Variants in UNC5D observed in about 807,000 individuals in gnomAD.
UNC5D encodes the protein netrin receptor UNC5D.
A neutral mutation model predicts 105.4 loss-of-function variants in UNC5D; 39 were observed. That is an observed-to-expected ratio of 0.37 (90% CI 0.29 to 0.48). The LOEUF is 0.48. Among genes scored for constraint, UNC5D ranks in the 20% least tolerant of loss-of-function variants. The probability of loss-of-function intolerance (pLI) is 0.98; values close to 1 mark genes in which losing one functional copy is unlikely to be tolerated. For missense variants in UNC5D, 991 were observed against 1,202.4 expected (o/e 0.82, Z 2.60); for synonymous variants, 452 against 450.4 (o/e 1.00, Z -0.04).
chr8:35,277,356 A>G (rs16883711), intron 1 of UNC5D, among the ~76,000 whole-genome samples: 2,491 of 152,206 alleles, frequency 0.016, 70 homozygotes, highest in African/African-American at 0.056. Context: ...TAGTACATGG[A>G]TTGTGCATTT....
At chr8:35,601,391 A>G (rs1586221513) in intron 4 of UNC5D, among the ~76,000 whole-genome samples, 1 of 152,216 alleles carries the variant, frequency 6.6e-6, no homozygotes, top group Non-Finnish European at 1.5e-5. Context: ...TACCTTGGGC[A>G]GTATGGCCAT....
At chr8:35,691,343 C>G (rs1428926530) in intron 7 of UNC5D, among the ~76,000 whole-genome samples, 1 of 152,064 alleles carries the variant, frequency 6.6e-6, no homozygotes, top group Non-Finnish European at 1.5e-5. Flanking sequence ...AAAAACTAGC[C>G]AAGTGTGGTG....
At chr8:35,490,642 A>C (rs1360283981) in intron 1 of UNC5D, among the ~76,000 whole-genome samples, 2 of 152,196 alleles carry the variant, frequency 1.3e-5, no homozygotes, top group African/African-American at 2.4e-5. Context: ...TAATATATTT[A>C]AGCATACTAT....
chr8:35,441,971 A>T (rs1807434522), intron 1 of UNC5D, among the ~76,000 whole-genome samples: 1 of 151,856 alleles, frequency 6.6e-6, no homozygotes, highest in Non-Finnish European at 1.5e-5. Context: ...TAACAAAATA[A>T]TTTTTTAGCA....
At chr8:35,387,476 G>T (rs1803486216) in intron 1 of UNC5D, among the ~76,000 whole-genome samples, 1 of 151,630 alleles carries the variant, frequency 6.6e-6, no homozygotes, top group Non-Finnish European at 1.5e-5. Flanking sequence ...TCCCTCCTTT[G>T]TCTCCAAAGT....
rs1554608594 is a variant in UNC5D at position 35,789,169 on chromosome 8, A to ATATATATG, written c.2658-1183_2658-1182insGTATATAT. ...TATATATATATATATATATATATAT[A>ATATATATG]TATATATATATATATATATGAGATA... On this transcript the variant is annotated intron_variant, in intron 16 of 16. Transcript: ENST00000404895. 3.1e-5 allele frequency among the ~76,000 whole-genome samples: 3 copies of ATATATATG among 96,096 alleles called. No individual in the cohort carries two copies. The East Asian group carries it at 9.4e-4, about 30-fold the overall frequency. The allele number at this position is 96,096 out of a possible 152,430, so 63.0% of individuals were successfully genotyped here. A position where few individuals can be genotyped will look rare whatever the true frequency, so the allele number is the denominator to read the frequency against.
chr8:35,403,859 A>G (rs1476001796), intron 1 of UNC5D, among the ~76,000 whole-genome samples: 1 of 152,106 alleles, frequency 6.6e-6, no homozygotes, highest in African/African-American at 2.4e-5. Context: ...GGAGGAGCAA[A>G]ATCTGCTGTC....
chr8:35,517,888 A>G (rs1166877091), intron 1 of UNC5D, among the ~76,000 whole-genome samples: 1 of 152,166 alleles, frequency 6.6e-6, no homozygotes, highest in African/African-American at 2.4e-5. Flanking sequence ...GCTGTCTTCT[A>G]ACTGTAACAT....
At chr8:35,674,182 TC>T (rs1435289399) in intron 4 of UNC5D, among the ~76,000 whole-genome samples, 3 of 152,208 alleles carry the variant, frequency 2.0e-5, no homozygotes, top group Non-Finnish European at 4.4e-5. Flanking sequence ...TTGCAATTCT[TC>T]CTTAGGAGTG....
At chr8:35,381,332 C>T (rs890713339) in intron 1 of UNC5D, among the ~76,000 whole-genome samples, 1 of 152,128 alleles carries the variant, frequency 6.6e-6, no homozygotes, top group African/African-American at 2.4e-5. Flanking sequence ...TTACCTCTAA[C>T]TCTTCCAGGG....
intron 1 of UNC5D, among the ~76,000 whole-genome samples, chr8:35,504,926 A>G (rs1307007855): frequency 1.3e-5 from 2 of 152,114 alleles, no homozygotes; most frequent in African/African-American, 4.8e-5. Context: ...TATGCCAAAC[A>G]CTCATGTGTA....
intron 1 of UNC5D, among the ~76,000 whole-genome samples, chr8:35,410,088 A>G (rs1197514727): frequency 6.6e-6 from 1 of 151,978 alleles, no homozygotes; most frequent in African/African-American, 2.4e-5. Flanking sequence ...GGAACTCTCC[A>G]CTTTACGTCT....
chr8:35,728,726 C>A (rs912450992), intron 10 of UNC5D, among the ~76,000 whole-genome samples: 2 of 152,186 alleles, frequency 1.3e-5, no homozygotes, highest in Admixed American at 6.5e-5. Context: ...GCAATGATTT[C>A]TCCAAAAGGT....
chr8:35,569,539 TC>T (rs1817586400), intron 3 of UNC5D, among the ~76,000 whole-genome samples: 1 of 152,216 alleles, frequency 6.6e-6, no homozygotes, highest in African/African-American at 2.4e-5. Context: ...GGAGGCCCTC[TC>T]CTGGGTATTG....
intron 1 of UNC5D, among the ~76,000 whole-genome samples, chr8:35,253,930 A>G (rs939686368): frequency 1.3e-5 from 2 of 152,150 alleles, no homozygotes; most frequent in Admixed American, 1.3e-4. Flanking sequence ...CTGGCATTAA[A>G]TGTTCTTCAA....
intron 3 of UNC5D, among the ~76,000 whole-genome samples, chr8:35,578,847 A>C (rs1818284556): frequency 6.6e-6 from 1 of 152,214 alleles, no homozygotes; most frequent in Admixed American, 6.5e-5. Context: ...ATTCCACCAC[A>C]TCTTACTGTG....
chr8:35,437,709 T>C (rs1807117416), intron 1 of UNC5D, among the ~76,000 whole-genome samples: 1 of 152,126 alleles, frequency 6.6e-6, no homozygotes, highest in African/African-American at 2.4e-5. Context: ...AAAAGAGATC[T>C]ATAAAACCTT....
At chr8:35,545,139 G>A (rs79897569) in intron 1 of UNC5D, among the ~76,000 whole-genome samples, 7,849 of 152,186 alleles carry the variant, frequency 0.052, 269 homozygotes, top group South Asian at 0.089. Context: ...GTGGAGTTGT[G>A]GCATATGTGT....
At chr8:35,765,483 T>C (rs1468691805) in intron 14 of UNC5D, among the ~76,000 whole-genome samples, 1 of 152,174 alleles carries the variant, frequency 6.6e-6, no homozygotes, top group African/African-American at 2.4e-5. Context: ...ATTGCTAAGA[T>C]GCATGGTAGA....
Sources: allele counts gnomAD v4.1 joint callset (sites outside exome capture counted in the v4.1 genomes callset), GRCh38; gene constraint gnomAD v4.1.1; transcripts MANE v1.5; gene names NCBI Gene and HGNC (gene_info 2026-07-23, HGNC 2026-07-21).